Variants in CAAP1 observed in about 807,000 individuals in gnomAD.
CAAP1 encodes the protein conserved anti-apoptotic protein.
CAAP1 carries 20 observed loss-of-function variants against 34.0 expected under a neutral mutation model. That is an observed-to-expected ratio of 0.59 (90% CI 0.41 to 0.86). The LOEUF (loss-of-function observed/expected upper bound fraction) is 0.86. Among genes scored for constraint, CAAP1 ranks in the 40% least tolerant of loss-of-function variants. The pLI, the probability that CAAP1 is intolerant of heterozygous loss-of-function variation, is 0.00. For synonymous variants in CAAP1, 213 were observed against 166.7 expected (o/e 1.28, Z -2.14); for missense variants, 538 against 450.5 (o/e 1.19, Z -1.76).
At chr9:26,873,662 C>T (rs1226478025) in intron 4 of CAAP1, among the ~76,000 whole-genome samples, 2 of 152,098 alleles carry the variant, frequency 1.3e-5, no homozygotes, top group East Asian at 1.9e-4. Flanking sequence ...AGCCCATCTC[C>T]GATCAAAGAC....
chr9:26,856,145 T>C (rs761703338), intron 5 of CAAP1, among the ~76,000 whole-genome samples: 37 of 151,988 alleles, frequency 2.4e-4, no homozygotes, highest in Non-Finnish European at 4.6e-4. Flanking sequence ...GGGTAGAATT[T>C]GAGCCTATTT....
chr9:26,850,163 A>T (rs895699746), intron 5 of CAAP1, among the ~76,000 whole-genome samples: 1 of 152,186 alleles, frequency 6.6e-6, no homozygotes, highest in African/African-American at 2.4e-5. Flanking sequence ...ACAAAACTTT[A>T]TGAAGACTTA....
At chr9:26,868,409 CAG>C (rs749125493) in intron 4 of CAAP1, among the ~76,000 whole-genome samples, 3 of 152,144 alleles carry the variant, frequency 2.0e-5, no homozygotes, top group Non-Finnish European at 4.4e-5. Context: ...GGCCACAAGA[CAG>C]AGAATATAAG....
chr9:26,858,243 C>T lies in CAAP1; in HGVS notation c.739+2823G>A, dbSNP rs186236830. The stretch of plus-strand genomic sequence containing the variant: ...GAAAAGTTAGAGATATTAGATTTTG[C>T]AGGTTATGCACATTACAAATAGACA... On this transcript the variant is annotated intron_variant, in intron 5 of 5. Transcript: ENST00000333916. Among the ~76,000 whole-genome samples the T allele has an allele frequency of 1.1e-4, 16 of 151,878 alleles. No homozygotes were observed. The East Asian group carries it at 2.9e-3, about 28-fold the overall frequency.
In CAAP1 at chr9:26,886,180, T is replaced by G; in HGVS notation, c.513A>C (p.Ser171=). The G allele has an allele frequency of 6.5e-7, 1 of 1,542,006 alleles. No homozygotes were observed. The highest frequency in any genetic ancestry group is 2.3e-5 in the East Asian group (1 of 42,854). Residue 171 remains serine, a synonymous_variant, in exon 3 of 6, where the codon TCA becomes TCC. Transcript: ENST00000333916. The stretch of plus-strand genomic sequence containing the variant: ...GGCATAGTTTTTTAATTTCTTCTAT[T>G]GAACAGTTCTAAAGGAAATGACATT... ...KMLPDVLKNC[S]IEEIKKLCQE...
At chr9:26,873,831 G>A (rs1009975658) in intron 4 of CAAP1, among the ~76,000 whole-genome samples, 12 of 152,036 alleles carry the variant, frequency 7.9e-5, no homozygotes, top group Admixed American at 5.2e-4. Context: ...TAGACAACCC[G>A]AAATAAAATA....
intron 2 of CAAP1, 150 bp downstream of exon 2, chr9:26,887,163 G>T: frequency 2.0e-6 from 1 of 506,510 alleles, no homozygotes; most frequent in Non-Finnish European, 3.4e-6. Context: ...AGTGAGCCAA[G>T]ATCACGCCAC....
intron 1 of CAAP1, among the ~76,000 whole-genome samples, chr9:26,889,727 G>C (rs1247456552): frequency 6.6e-6 from 1 of 151,558 alleles, no homozygotes; most frequent in South Asian, 2.1e-4. Context: ...CATTAACTGG[G>C]CGTTGTGGCA....
At chr9:26,869,587 T>C (rs1823224223) in intron 4 of CAAP1, among the ~76,000 whole-genome samples, 3 of 152,206 alleles carry the variant, frequency 2.0e-5, no homozygotes, top group African/African-American at 7.2e-5. Flanking sequence ...GAGTACAACT[T>C]TTCAGCAACC....
At chr9:26,855,186 A>G (rs13288909) in intron 5 of CAAP1, among the ~76,000 whole-genome samples, 13 of 152,226 alleles carry the variant, frequency 8.5e-5, no homozygotes, top group Admixed American at 2.0e-4. Context: ...CCACACAAAG[A>G]CATAGAGGAA....
At chr9:26,858,926 A>G (rs1448640364) in intron 5 of CAAP1, among the ~76,000 whole-genome samples, 1 of 134,800 alleles carries the variant, frequency 7.4e-6, no homozygotes, top group Non-Finnish European at 1.5e-5. Flanking sequence ...TGAACCTGGG[A>G]GGCGGAGCTG....
chr9:26,890,090 T>C (rs12345714), intron 1 of CAAP1, among the ~76,000 whole-genome samples: 6,479 of 151,648 alleles, frequency 0.043, 503 homozygotes, highest in African/African-American at 0.15. Flanking sequence ...GGGAAACTGG[T>C]CAGGCGCGGT....
At chr9:26,844,577 A>T (rs1172069826) in intron 5 of CAAP1, among the ~76,000 whole-genome samples, 1 of 152,162 alleles carries the variant, frequency 6.6e-6, no homozygotes, top group Non-Finnish European at 1.5e-5. Context: ...TGAATAATAT[A>T]ATGAGGGGGT....
In CAAP1 at chr9:26,863,147, A is replaced by G. The variant is rs975030495; in HGVS notation, c.666-2008T>C. On this transcript the variant is annotated intron_variant, in intron 4 of 5. Coordinates refer to ENST00000333916, the MANE Select transcript of CAAP1 (RefSeq NM_024828.4). ...CTTTAAATAAAAATTGGACCCCTCT[A>G]TAAGGACTATCTTCTCTCATAAACA... Among the ~76,000 whole-genome samples the G allele has an allele frequency of 2.0e-5, 3 of 152,284 alleles. No homozygotes were observed. The Middle Eastern group carries it at 0.01, about 518-fold the overall frequency.
At chr9:26,853,180 A>G (rs1378614407) in intron 5 of CAAP1, among the ~76,000 whole-genome samples, 3 of 152,186 alleles carry the variant, frequency 2.0e-5, no homozygotes, top group Non-Finnish European at 4.4e-5. Context: ...GCATGGATAG[A>G]AACAGTGGGA....
intron 4 of CAAP1, among the ~76,000 whole-genome samples, chr9:26,865,623 G>C (rs1823118489): frequency 6.6e-6 from 1 of 152,130 alleles, no homozygotes; most frequent in Admixed American, 6.6e-5. Flanking sequence ...AGAATTTTAG[G>C]AACAGTCACT....
At chr9:26,892,258 C>G in intron 1 of CAAP1, 155 bp downstream of exon 1, 2 of 1,517,524 alleles carry the variant, frequency 1.3e-6, no homozygotes, top group East Asian at 4.9e-5. Flanking sequence ...GTGGGGCTCA[C>G]CAGGACTTAG....
At chr9:26,852,338 C>T (rs892227927) in intron 5 of CAAP1, among the ~76,000 whole-genome samples, 5 of 151,806 alleles carry the variant, frequency 3.3e-5, no homozygotes, top group African/African-American at 1.2e-4. Context: ...ACCTATAATC[C>T]CAACTACTCA....
intron 1 of CAAP1, chr9:26,892,184 TA>T (rs200922414): frequency 6.2e-4 from 763 of 1,230,210 alleles, no homozygotes; most frequent in Non-Finnish European, 7.4e-4. Flanking sequence ...AAAAATAAAT[TA>T]AAAAAAAAGT....
Sources: gnomAD v4.1 joint callset for allele counts (sites outside exome capture counted in the v4.1 genomes callset) on GRCh38, gnomAD v4.1.1 for gene constraint, MANE v1.5 for transcripts, NCBI Gene and HGNC (gene_info 2026-07-23, HGNC 2026-07-21) for gene names.